The following SSH2 variants were observed in gnomAD, a reference collection of about 807,000 sequenced individuals.
The protein encoded by SSH2 is protein phosphatase Slingshot homolog 2.
In SSH2, 37 loss-of-function variants were observed where a neutral mutation model predicts 135.2. The observed-to-expected ratio is 0.27, with a 90% CI of 0.21 to 0.36. The LOEUF (loss-of-function observed/expected upper bound fraction) is 0.36, where lower values mean the gene tolerates loss of function less well. Ranked by LOEUF, SSH2 falls within the 10% of genes least tolerant of loss-of-function variation. SSH2 has a pLI of 1.00. For synonymous variants in SSH2, 628 were observed against 646.2 expected, an observed-to-expected ratio of 0.97 and a Z score of 0.43; for missense variants, 1,408 against 1,765.3, an observed-to-expected ratio of 0.80 and a Z score of 3.63.
chr17:29,903,648 CCTCTACAG>C (rs1011195965), intron 1 of SSH2, among the ~76,000 whole-genome samples: 14 of 152,268 alleles, frequency 9.2e-5, no homozygotes, highest in African/African-American at 3.4e-4. Context: ...ATCAACCATT[CCTCTACAG>C]CTCTGAAAGC....
chr17:29,779,944 C>T (rs114678036), intron 3 of SSH2, among the ~76,000 whole-genome samples: 2,030 of 150,474 alleles, frequency 0.013, 41 homozygotes, highest in African/African-American at 0.048. Context: ...CAACTCTGGC[C>T]GGGCACAGTA....
At chr17:29,779,119 TGAAG>T (rs1385085585) in intron 3 of SSH2, among the ~76,000 whole-genome samples, 1 of 150,976 alleles carries the variant, frequency 6.6e-6, no homozygotes, top group African/African-American at 2.4e-5. Context: ...AGGAAGGAAG[TGAAG>T]GAGGGAGGGA....
chr17:29,784,730 A>C (rs936488511), intron 3 of SSH2, among the ~76,000 whole-genome samples: 3 of 152,164 alleles, frequency 2.0e-5, no homozygotes, highest in Non-Finnish European at 2.9e-5. Flanking sequence ...CTCTGCTTTT[A>C]AGGTATAGAC....
chr17:29,825,799 T>A (rs1180893068), intron 2 of SSH2, among the ~76,000 whole-genome samples: 1 of 152,074 alleles, frequency 6.6e-6, no homozygotes, highest in Non-Finnish European at 1.5e-5. Flanking sequence ...AGTGTCTGAG[T>A]TTTAAACACC....
intron 15 of SSH2, 66 bp from the exon 16 acceptor site, chr17:29,632,997 T>G: frequency 7.1e-7 from 1 of 1,399,364 alleles, no homozygotes; most frequent in East Asian, 2.3e-5. Flanking sequence ...CTGGATTTTC[T>G]GCTTATTAAT....
Position 29,855,451 on chromosome 17 carries a change from GCCGAGATCACGCCA to G in SSH2, c.64-6536_64-6523del, listed in dbSNP as rs2065645957. Among the ~76,000 whole-genome samples, 3 of 152,292 alleles carry G rather than the reference GCCGAGATCACGCCA, an allele frequency of 2.0e-5. No homozygotes were observed. In the South Asian group the frequency reaches 6.2e-4, roughly 32 times the overall value. On this transcript the variant is annotated intron_variant, in intron 1 of 15. Coordinates refer to ENST00000540801, the MANE Select transcript of SSH2 (RefSeq NM_001282129.2). The stretch of plus-strand genomic sequence containing the variant: ...GCTCAGGAAGTTGAGGCTGCAGTGA[GCCGAGATCACGCCA>G]CTGCACTCCCGCCTGCACAATAAAG...
At chr17:29,897,164 C>T (rs1036744160) in intron 1 of SSH2, among the ~76,000 whole-genome samples, 2 of 151,974 alleles carry the variant, frequency 1.3e-5, no homozygotes, top group Admixed American at 6.6e-5. Context: ...CCGGTACCAG[C>T]CACTGCAAAA....
chr17:29,917,019 T>TAA (rs777648253), intron 1 of SSH2, among the ~76,000 whole-genome samples: 22 of 129,592 alleles, frequency 1.7e-4, no homozygotes, highest in African/African-American at 3.4e-4. Flanking sequence ...TCTGTAGCAG[T>TAA]AAAAAAAAAA....
At chr17:29,722,607 T>A (rs995251526) in intron 3 of SSH2, among the ~76,000 whole-genome samples, 1 of 152,190 alleles carries the variant, frequency 6.6e-6, no homozygotes, top group African/African-American at 2.4e-5. Context: ...GAAGATAACA[T>A]GGCAGGAATG....
chr17:29,893,296 A>G (rs1248514989), intron 1 of SSH2, among the ~76,000 whole-genome samples: 2 of 150,996 alleles, frequency 1.3e-5, no homozygotes, highest in Admixed American at 6.6e-5. Flanking sequence ...GCAAAAAAAA[A>G]GGGGGGGTGG....
chr17:29,919,814 G>A (rs1171410278), intron 1 of SSH2, among the ~76,000 whole-genome samples: 1 of 151,632 alleles, frequency 6.6e-6, no homozygotes, highest in Admixed American at 6.6e-5. Flanking sequence ...CATGTGAATA[G>A]CTTCAAAAGG....
chr17:29,692,166 TAA>T (rs11346647), intron 5 of SSH2, among the ~76,000 whole-genome samples: 3,067 of 145,476 alleles, frequency 0.021, 109 homozygotes, highest in African/African-American at 0.07. Context: ...AAATAAAAAA[TAA>T]AAAAAAAAAA....
intron 2 of SSH2, among the ~76,000 whole-genome samples, chr17:29,836,447 C>T (rs1186118105): frequency 6.6e-6 from 1 of 152,134 alleles, no homozygotes; most frequent in East Asian, 1.9e-4. Context: ...TTGCCTAGTG[C>T]TCTGTGCCTG....
chr17:29,913,900 C>T (rs950493104), intron 1 of SSH2, among the ~76,000 whole-genome samples: 32 of 152,100 alleles, frequency 2.1e-4, no homozygotes, highest in Admixed American at 5.9e-4. Context: ...TCCCAAAGTG[C>T]TGGAATTACA....
At chr17:29,777,906 G>A (rs527366532) in intron 3 of SSH2, among the ~76,000 whole-genome samples, 1 of 151,778 alleles carries the variant, frequency 6.6e-6, no homozygotes, top group Non-Finnish European at 1.5e-5. Flanking sequence ...CAGCAGATGG[G>A]AACAGTATCC....
At chr17:29,839,546 A>G (rs2151377339) in intron 2 of SSH2, among the ~76,000 whole-genome samples, 1 of 152,304 alleles carries the variant, frequency 6.6e-6, no homozygotes, top group East Asian at 1.9e-4. Context: ...CAAATCTGTA[A>G]TCTTATAATT....
intron 1 of SSH2, among the ~76,000 whole-genome samples, chr17:29,899,814 A>G (rs75204514): frequency 0.4 from 60,600 of 151,880 alleles, 14,574 homozygotes; most frequent in East Asian, 0.69. Flanking sequence ...AAAAGAGCCC[A>G]CATTGCCAAG....
chr17:29,864,754 A>G (rs1215397464), intron 1 of SSH2, among the ~76,000 whole-genome samples: 1 of 152,122 alleles, frequency 6.6e-6, no homozygotes, highest in Admixed American at 6.6e-5. Context: ...GCTTCCCTAA[A>G]AGGGCATGTT....
At chr17:29,668,330 C>G (rs779990125) in intron 9 of SSH2, among the ~76,000 whole-genome samples, 10 of 152,212 alleles carry the variant, frequency 6.6e-5, no homozygotes, top group Admixed American at 3.3e-4. Flanking sequence ...CTTCAACCAG[C>G]CAAGGTATTC....
Sources: allele counts gnomAD v4.1 joint callset (sites outside exome capture counted in the v4.1 genomes callset), GRCh38; gene constraint gnomAD v4.1.1; transcripts MANE v1.5; gene names NCBI Gene and HGNC (gene_info 2026-07-23, HGNC 2026-07-21).